Variants in PBRM1 observed in about 807,000 individuals in gnomAD.
PBRM1 encodes the protein protein polybromo-1.
PBRM1 carries 27 observed loss-of-function variants against 194.5 expected under a neutral mutation model. That is an observed-to-expected ratio of 0.14 (90% confidence interval 0.10 to 0.19). The LOEUF (loss-of-function observed/expected upper bound fraction) is 0.19, where lower values mean the gene tolerates loss of function less well. PBRM1 is among the 10% of genes least tolerant of loss of function. The pLI is 1.00. For synonymous variants in PBRM1, 655 were observed against 693.2 expected (o/e 0.94, Z 0.87); for missense variants, 1,466 against 2,077.2 (o/e 0.71, Z 5.72).
intron 10 of PBRM1, among the ~76,000 whole-genome samples, chr3:52,639,043 G>A (rs181324651): frequency 1.3e-5 from 2 of 149,330 alleles, no homozygotes; most frequent in East Asian, 2.0e-4. Context: ...GGAGTGCAAT[G>A]GCACAATCTT....
intron 29 of PBRM1, among the ~76,000 whole-genome samples, chr3:52,548,777 T>G (rs1209791783): frequency 1.3e-5 from 2 of 152,124 alleles, no homozygotes; most frequent in Non-Finnish European, 2.9e-5. Flanking sequence ...TACTTCAATG[T>G]TAACAAAAAT....
intron 7 of PBRM1, among the ~76,000 whole-genome samples, chr3:52,646,183 T>C (rs1329535685): frequency 6.6e-6 from 1 of 152,230 alleles, no homozygotes; most frequent in Non-Finnish European, 1.5e-5. Flanking sequence ...CATTCCTGAT[T>C]TTCTCTCAGA....
At chr3:52,669,561 T>C (rs995780196) in intron 2 of PBRM1, among the ~76,000 whole-genome samples, 3 of 152,172 alleles carry the variant, frequency 2.0e-5, no homozygotes, top group Admixed American at 6.5e-5. Context: ...GGGGTAGGTA[T>C]TCAGCCCCAT....
intron 5 of PBRM1, among the ~76,000 whole-genome samples, chr3:52,652,954 C>T (rs537706825): frequency 2.0e-5 from 3 of 151,846 alleles, no homozygotes; most frequent in East Asian, 2.0e-4. Context: ...GCCGAGATCA[C>T]GCCATTGTAC....
At position 52,668,478 on chromosome 3, in the gene PBRM1, C is replaced by G. The variant is rs1181062795; in HGVS notation, c.384+20G>C. ...TGGTATCTTCCAATTGGTATCTTTC[C>G]AAATTTCATAATTTCTTACCTTATA... On this transcript the variant is annotated intron_variant, in intron 3 of 29. Transcript: ENST00000296302. 6.4e-7 allele frequency: 1 copy of G among 1,552,996 alleles called. No homozygotes were observed. Among genetic ancestry groups the G allele is most frequent in the Non-Finnish European group, 8.7e-7 (1 of 1,149,616 alleles).
exon 12 of PBRM1, chr3:52,628,930 G>A (rs750564484): frequency 1.2e-6 from 2 of 1,613,840 alleles, no homozygotes; most frequent in Middle Eastern, 1.6e-4. Flanking sequence ...CTCGCTTGTA[G>A]ATGGCTGAAT....
At chr3:52,638,986 T>TG (rs71084199) in intron 10 of PBRM1, among the ~76,000 whole-genome samples, 1,207 of 57,812 alleles carry the variant, frequency 0.021, 31 homozygotes, top group Middle Eastern at 0.036. Context: ...CATTTTTTTT[T>TG]GGGGGGGGGG....
chr3:52,653,330 CT>C (rs2096544751), intron 5 of PBRM1, among the ~76,000 whole-genome samples: 1 of 152,170 alleles, frequency 6.6e-6, no homozygotes, highest in Admixed American at 6.5e-5. Flanking sequence ...TGGCTCGCGC[CT>C]GTAATCCCAG....
intron 5 of PBRM1, among the ~76,000 whole-genome samples, chr3:52,654,358 A>C (rs1469715298): frequency 6.6e-6 from 1 of 152,144 alleles, no homozygotes; most frequent in East Asian, 1.9e-4. Context: ...TCTCTTCACC[A>C]GTTCTACTTC....
intron 29 of PBRM1, among the ~76,000 whole-genome samples, chr3:52,548,682 TCCC>T (rs1381422557): frequency 1.3e-5 from 2 of 152,178 alleles, no homozygotes; most frequent in Non-Finnish European, 2.9e-5. Context: ...TACCTTGGCC[TCCC>T]AAAGTGCTGG....
At chr3:52,673,933 C>T (rs963594189) in intron 2 of PBRM1, among the ~76,000 whole-genome samples, 1 of 151,036 alleles carries the variant, frequency 6.6e-6, no homozygotes, top group African/African-American at 2.4e-5. Flanking sequence ...CGCCTGTAAT[C>T]CCAGCTACTT....
rs1300640196 is a variant in PBRM1 at position 52,609,087 on chromosome 3, C to T, written c.2567+226G>A. 3 of 415,684 alleles carry T rather than the reference C, an allele frequency of 7.2e-6. No homozygotes were observed. In the East Asian group the frequency reaches 1.1e-4, roughly 16 times the overall value. The allele number at this position is 415,684 out of a possible 1,614,324, so 25.7% of individuals were successfully genotyped here. On this transcript the variant is annotated intron_variant, in intron 16 of 29. Transcript: ENST00000296302. The surrounding 1 kb of genome is among the most constrained non-coding windows in gnomAD (Gnocchi z 4.1). Reference sequence around the variant, plus strand: ...CTTTTCAAGAGATTTTCAATTTTGTCTTCCTCCTCACTGGCCTTAAACTAG... The same window carrying T: ...CTTTTCAAGAGATTTTCAATTTTGTTTTCCTCCTCACTGGCCTTAAACTAG...
exon 9 of PBRM1, chr3:52,643,321 C>G (rs1463926262): frequency 6.2e-7 from 1 of 1,613,724 alleles, no homozygotes; most frequent in East Asian, 2.2e-5. Flanking sequence ...GTCAGTCTGG[C>G]TGCAGCCAAG....
intron 2 of PBRM1, among the ~76,000 whole-genome samples, chr3:52,676,265 G>A (rs1250212051): frequency 6.6e-6 from 1 of 151,622 alleles, no homozygotes; most frequent in African/African-American, 2.4e-5. Flanking sequence ...AACCAATACA[G>A]TTTGGCTGTA....
intron 21 of PBRM1, 96 bp downstream of exon 23, chr3:52,578,958 G>T: frequency 1.8e-6 from 2 of 1,142,536 alleles, no homozygotes. Context: ...AACTGCCAGG[G>T]GAAGGACTTT....
intron 17 of PBRM1, 124 bp downstream of exon 19, chr3:52,603,397 C>T (rs1483480076): frequency 4.2e-6 from 4 of 960,512 alleles, no homozygotes; most frequent in East Asian, 5.2e-5. Context: ...ATTGCGTCTA[C>T]TCTAATATAG....
intron 3 of PBRM1, among the ~76,000 whole-genome samples, chr3:52,667,494 T>C (rs1407510963): frequency 6.6e-6 from 1 of 152,150 alleles, no homozygotes; most frequent in Non-Finnish European, 1.5e-5. Flanking sequence ...CGCTCACGCC[T>C]GTTGTCCCAG....
intron 20 of PBRM1, among the ~76,000 whole-genome samples, chr3:52,583,511 T>C (rs1262265481): frequency 2.0e-5 from 3 of 152,198 alleles, no homozygotes; most frequent in African/African-American, 4.8e-5. Flanking sequence ...TGCCATCCTG[T>C]TAGGTATTAT....
chr3:52,602,133 TC>T (rs1214804651), intron 17 of PBRM1, among the ~76,000 whole-genome samples: 1 of 152,224 alleles, frequency 6.6e-6, no homozygotes, highest in Non-Finnish European at 1.5e-5. Flanking sequence ...TGATGATGTA[TC>T]TAAATGGGGC....
Sources: allele counts gnomAD v4.1 joint callset (sites outside exome capture counted in the v4.1 genomes callset), GRCh38; gene constraint gnomAD v4.1.1; non-coding constraint Gnocchi (gnomAD v3.1); transcripts MANE v1.5; gene names NCBI Gene and HGNC (gene_info 2026-07-23, HGNC 2026-07-21).